Variants in BPIFB1 observed in about 807,000 individuals in gnomAD.
BPIFB1 encodes BPI fold-containing family B member 1.
In BPIFB1, 34 loss-of-function variants were observed where a neutral mutation model predicts 55.1. The observed-to-expected ratio is 0.62, with a 90% CI of 0.47 to 0.82. The LOEUF (loss-of-function observed/expected upper bound fraction) is 0.82. Among genes scored for constraint, BPIFB1 ranks in the 40% least tolerant of loss-of-function variants. The pLI is 0.00. For missense variants in BPIFB1, 532 were observed against 593.1 expected (o/e 0.90, Z 1.07); for synonymous variants, 236 against 245.3 (o/e 0.96, Z 0.35).
chr20:33,305,796 C>T (rs1159553873), intron 13 of BPIFB1, among the ~76,000 whole-genome samples: 2 of 152,072 alleles, frequency 1.3e-5, no homozygotes, highest in Admixed American at 6.5e-5. Flanking sequence ...CCCCATCTAC[C>T]AGGCCCCAGG....
chr20:33,289,774 G>T, intron 3 of BPIFB1, 111 bp from the exon 4 acceptor site: 1 of 936,324 alleles, frequency 1.1e-6, no homozygotes, highest in Non-Finnish European at 1.7e-6. Context: ...GGCAGGGCCA[G>T]GGTCCCGCTG....
At chr20:33,299,281 G>A (rs1304054350) in intron 7 of BPIFB1, 1 of 417,190 alleles carries the variant, frequency 2.4e-6, no homozygotes, top group Non-Finnish European at 5.0e-6. Flanking sequence ...CCATACACCG[G>A]GGCAGGTGAC....
Position 33,291,121 on chromosome 20 carries a change from C to T in BPIFB1, c.515+15C>T, listed in dbSNP as rs1980458212. 1 of 1,607,130 alleles carries T rather than the reference C, an allele frequency of 6.2e-7. No homozygotes were observed. The highest frequency in any genetic ancestry group is 8.5e-7 in the Non-Finnish European group (1 of 1,179,740). On this transcript the variant is annotated intron_variant, in intron 5 of 15. Transcript: ENST00000253354. ...CTGCTGCATAAGTGAGTGTCGCTGG[C>T]CACCAGCCGGGCTCCCATCCTGCCT...
chr20:33,302,221 G>GAC, intron 9 of BPIFB1, 138 bp from the exon 10 acceptor site: 1 of 827,150 alleles, frequency 1.2e-6, no homozygotes, highest in Non-Finnish European at 2.1e-6. Flanking sequence ...TTCCACCAAT[G>GAC]ACAGACACAT....
chr20:33,288,890 G>A lies in BPIFB1; in HGVS notation c.257+8G>A. Reference sequence around the variant, plus strand: ...CCTGAAGCACATCATCTGGTGAGTGGAGCAGGACCACACCAGGAGCTAGCC... The same window carrying A: ...CCTGAAGCACATCATCTGGTGAGTGAAGCAGGACCACACCAGGAGCTAGCC... On this transcript the variant is annotated splice_region_variant and intron_variant, in intron 3 of 15. Transcript: ENST00000253354. 2 of 1,611,458 alleles carry A rather than the reference G, an allele frequency of 1.2e-6. No individual in the cohort carries two copies. The highest frequency in any genetic ancestry group is 1.7e-6 in the Non-Finnish European group (2 of 1,179,292).
rs1242879728 is a variant in BPIFB1 at position 33,305,947 on chromosome 20, G to C, written c.1255-55G>C. Reference sequence around the variant, plus strand: ...GGAGCCACACCCACGAAGAATGATGGGGGGGAACTTCAGATGCTCAACCAG... The same window carrying C: ...GGAGCCACACCCACGAAGAATGATGCGGGGGAACTTCAGATGCTCAACCAG... On this transcript the variant is annotated intron_variant, in intron 13 of 15. Transcript: ENST00000253354. 26 of 1,587,642 alleles carry C rather than the reference G, an allele frequency of 1.6e-5. No individual in the cohort carries two copies. The Middle Eastern group carries it at 5.0e-4, about 30-fold the overall frequency.
chr20:33,285,717 C>CA (rs71870806), intron 1 of BPIFB1, among the ~76,000 whole-genome samples: 42,921 of 107,838 alleles, frequency 0.4, 8,180 homozygotes, highest in African/African-American at 0.61. Context: ...GACTCTGTCT[C>CA]AAAAAAAAAA....
chr20:33,302,792 G>C, intron 10 of BPIFB1, 124 bp from the exon 11 acceptor site: 2 of 1,068,092 alleles, frequency 1.9e-6, no homozygotes, highest in South Asian at 3.1e-5. Context: ...AAGAAGGACA[G>C]GGTGGCTGGA....
intron 13 of BPIFB1, among the ~76,000 whole-genome samples, chr20:33,305,119 A>T (rs1242060827): frequency 6.6e-6 from 1 of 152,090 alleles, no homozygotes; most frequent in Admixed American, 6.6e-5. Flanking sequence ...ACACTCACAG[A>T]TACACACTTT....
Position 33,299,934 on chromosome 20 carries a change from G to A in BPIFB1, c.697G>A (p.Asp233Asn). 1.9e-6 allele frequency: 3 copies of A among 1,613,970 alleles called. No homozygotes were observed. Among genetic ancestry groups the A allele is most frequent in the Non-Finnish European group, 2.5e-6 (3 of 1,179,910 alleles). ...CCTCAGCATTGACCGTCTGGAGTTT[G>A]ACCTTCTGTATCCTGCCATCAAGGG... is the stretch of plus-strand genomic sequence containing the variant. ...ISLSIDRLEF[D>N]LLYPAIKGDT... Residue 233 changes from aspartate (D) to asparagine (N), a missense_variant, in exon 8 of 16, where the codon GAC becomes AAC. Transcript: ENST00000253354.
At position 33,305,994 on chromosome 20, in the gene BPIFB1, T is replaced by G. The variant is rs1019250028; in HGVS notation, c.1255-8T>G. On this transcript the variant is annotated splice_region_variant and splice_polypyrimidine_tract_variant and intron_variant, in intron 13 of 15. Transcript: ENST00000253354. ...CCAGGGTGACAGTGCCCCTTCTCTC[T>G]CTCACAGCCTGATGTTCTGAAAAAC... is the stretch of plus-strand genomic sequence containing the variant. 3 of 1,613,972 alleles carry G rather than the reference T, an allele frequency of 1.9e-6. No homozygotes were observed. In the African/African-American group the frequency reaches 4.0e-5, roughly 22 times the overall value.
chr20:33,292,031 C>G (rs749786438), intron 6 of BPIFB1, 43 bp downstream of exon 6: 3 of 1,574,892 alleles, frequency 1.9e-6, no homozygotes, highest in Non-Finnish European at 2.6e-6. Context: ...GCATTGCGCC[C>G]CCTGTGGGGC....
rs112343891 is a variant in BPIFB1, at chr20:33,308,449, T to TACAC, written c.1396-1258_1396-1257insCACA. 4.9e-3 allele frequency among the ~76,000 whole-genome samples: 744 copies of TACAC among 150,930 alleles called. 10 individuals are homozygous for TACAC. Among genetic ancestry groups the TACAC allele is most frequent in the African/African-American group, 0.017 (693 of 40,996 alleles). ...TGAGATGCATGCATGCACACACACA[T>TACAC]ATACACACACACACGCACACCTTTA... On this transcript the variant is annotated intron_variant, in intron 15 of 15. Coordinates refer to ENST00000253354, the MANE Select transcript of BPIFB1 (RefSeq NM_033197.3).
At chr20:33,308,472 T>C (rs1981107798) in intron 15 of BPIFB1, among the ~76,000 whole-genome samples, 1 of 149,070 alleles carries the variant, frequency 6.7e-6, no homozygotes, top group Non-Finnish European at 1.5e-5. Context: ...ACGCACACCT[T>C]TATACACCTA....
At chr20:33,288,546 G>C (rs1053380313) in intron 2 of BPIFB1, among the ~76,000 whole-genome samples, 195 bp from the exon 3 acceptor site, 1 of 151,674 alleles carries the variant, frequency 6.6e-6, no homozygotes. Context: ...GACCCATCTG[G>C]GCTACTGTCC....
At chr20:33,308,791 A>G (rs538265163) in intron 15 of BPIFB1, among the ~76,000 whole-genome samples, 3 of 142,048 alleles carry the variant, frequency 2.1e-5, no homozygotes, top group Admixed American at 7.0e-5. Flanking sequence ...ACACACACAT[A>G]ATACACACAC....
chr20:33,307,164 A>G, intron 15 of BPIFB1, 177 bp downstream of exon 15: 1 of 610,802 alleles, frequency 1.6e-6, no homozygotes, highest in Non-Finnish European at 2.9e-6. Context: ...TGTGCTGAGG[A>G]TGGAACCCTC....
chr20:33,288,627 C>A (rs1370686690), intron 2 of BPIFB1, 114 bp from the exon 3 acceptor site: 8 of 1,274,956 alleles, frequency 6.3e-6, no homozygotes, highest in African/African-American at 1.5e-5. Flanking sequence ...GATGGCTACA[C>A]CCTCGCCTTA....
chr20:33,302,656 T>C (rs545008091), intron 10 of BPIFB1: 29 of 625,140 alleles, frequency 4.6e-5, no homozygotes, highest in South Asian at 5.8e-5. Context: ...ATGAGAACAC[T>C]CTGGGCCCCT....
Sources: gnomAD v4.1 joint callset for allele counts (sites outside exome capture counted in the v4.1 genomes callset) on GRCh38, gnomAD v4.1.1 for gene constraint, MANE v1.5 for transcripts, NCBI Gene and HGNC (gene_info 2026-07-23, HGNC 2026-07-21) for gene names.